CRYBA4: variants seen among roughly 807,000 people sequenced by gnomAD.
CRYBA4 encodes the protein crystallin beta A4, also known as beta-crystallin A4.
In CRYBA4, 30 loss-of-function variants were observed where a neutral mutation model predicts 31.7. That is an observed-to-expected ratio of 0.95 (90% CI 0.71 to 1.28). CRYBA4 has a LOEUF of 1.28. Ranked by LOEUF, CRYBA4 falls within the 50% of genes most tolerant of loss-of-function variation. The pLI, the probability that CRYBA4 is intolerant of heterozygous loss-of-function variation, is 0.00. For missense variants in CRYBA4, 225 were observed against 260.7 expected (o/e 0.86, Z 0.94); for synonymous variants, 102 against 102.3 (o/e 1.00, Z 0.02).
chr22:26,590,292 G>T, the CRYBA4 span: 1 of 140,548 alleles, frequency 7.1e-6, no homozygotes, highest in Non-Finnish European at 1.5e-5. Context: ...CGGGAACCCC[G>T]CCCCGCCGCC....
the CRYBA4 span, among the ~76,000 whole-genome samples, chr22:26,606,084 A>G: frequency 6.6e-6 from 1 of 152,284 alleles, no homozygotes; most frequent in East Asian, 1.9e-4. Context: ...GCCCAAGACA[A>G]TTCTTCCAGC....
Position 26,625,515 on chromosome 22 carries a change from C to T in CRYBA4, c.193C>T (p.Gln65Ter). 1 of 1,614,072 alleles carries T rather than the reference C, an allele frequency of 6.2e-7. No homozygotes were observed. The highest frequency in any genetic ancestry group is 8.5e-7 in the Non-Finnish European group (1 of 1,180,034). Residue 65 changes from glutamine to a stop codon, truncating the protein, a stop_gained, in exon 4 of 6, where the codon CAG becomes TAG. Transcript: ENST00000354760. LOFTEE classifies it high-confidence loss of function. ...CTTTGAGCATGCTGGCTTCCAAGGGCAGCAGTACATTCTGGAACGAGGCGA... is the reference window on the plus strand; with the variant it reads ...CTTTGAGCATGCTGGCTTCCAAGGGTAGCAGTACATTCTGGAACGAGGCGA... The part of the protein sequence containing the change: ...VGFEHAGFQG[Q>*]QYILERGEYP...
chr22:26,607,229 A>G, the CRYBA4 span, among the ~76,000 whole-genome samples: 4 of 151,388 alleles, frequency 2.6e-5, no homozygotes, highest in Admixed American at 1.3e-4. Context: ...CGTCATGTTG[A>G]TCAGGCTGGT....
At chr22:26,626,638 T>TA (rs1302738979) in intron 4 of CRYBA4, among the ~76,000 whole-genome samples, 2 of 152,208 alleles carry the variant, frequency 1.3e-5, no homozygotes, top group African/African-American at 4.8e-5. Context: ...ATATTTGTAA[T>TA]ACTTACAGTT....
At chr22:26,605,677 A>AAAAAAT in the CRYBA4 span, among the ~76,000 whole-genome samples, 1 of 150,846 alleles carries the variant, frequency 6.6e-6, no homozygotes. Flanking sequence ...GTCTCAAAAA[A>AAAAAAT]AAAAAAAAAA....
the CRYBA4 span, among the ~76,000 whole-genome samples, chr22:26,598,043 C>T: frequency 0.2 from 30,322 of 151,946 alleles, 3,252 homozygotes; most frequent in East Asian, 0.39. Flanking sequence ...CCACCACAGC[C>T]GGCTAATTTT....
chr22:26,622,620 A>G lies in CRYBA4; in HGVS notation c.24A>G (p.Ser8=). 1 of 1,592,662 alleles carries G rather than the reference A, an allele frequency of 6.3e-7. No individual in the cohort carries two copies. Among genetic ancestry groups the G allele is most frequent in the South Asian group, 1.1e-5 (1 of 90,724 alleles). The change falls in exon 2 of 6, where the codon TCA becomes TCG. Residue 8 remains serine, a synonymous_variant. Coordinates refer to ENST00000354760, the MANE Select transcript of CRYBA4 (RefSeq NM_001886.3). MTLQCTK[S]AGPWKMVVWD... Reference sequence around the variant, plus strand: ...CAATGACCCTGCAATGCACAAAGTCAGCGGGACCCTGGAAGGTAGGAAGAG... The same window carrying G: ...CAATGACCCTGCAATGCACAAAGTCGGCGGGACCCTGGAAGGTAGGAAGAG...
Position 26,629,111 on chromosome 22 carries a change from A to C in CRYBA4, c.443+681A>C, listed in dbSNP as rs144017236. On this transcript the variant is annotated intron_variant, in intron 5 of 5. Transcript: ENST00000354760. ...TCCATCAGCAGGTAGGTAACAATCCAGCTTCAAACTCAGCACTGACTGGCC... is the reference window on the plus strand; with the variant it reads ...TCCATCAGCAGGTAGGTAACAATCCCGCTTCAAACTCAGCACTGACTGGCC... 1.1e-3 allele frequency among the ~76,000 whole-genome samples: 169 copies of C among 152,316 alleles called. 2 individuals are homozygous for C. The East Asian group carries it at 0.029, about 26-fold the overall frequency.
intron 4 of CRYBA4, among the ~76,000 whole-genome samples, chr22:26,627,971 A>G (rs967024598): frequency 2.6e-5 from 4 of 152,124 alleles, no homozygotes; most frequent in Non-Finnish European, 5.9e-5. Context: ...TCTTAACCAC[A>G]GTGTAATGCC....
chr22:26,611,768 C>A, the CRYBA4 span, among the ~76,000 whole-genome samples: 1 of 152,130 alleles, frequency 6.6e-6, no homozygotes, highest in African/African-American at 2.4e-5. Context: ...GCCACCGCGC[C>A]CGGCCGGGCT....
chr22:26,607,537 A>G, the CRYBA4 span, among the ~76,000 whole-genome samples: 1 of 145,594 alleles, frequency 6.9e-6, no homozygotes. Flanking sequence ...AGGCTGGGGG[A>G]CACAGCAAAA....
chr22:26,616,277 C>A, the CRYBA4 span: 2 of 1,614,070 alleles, frequency 1.2e-6, no homozygotes, highest in Non-Finnish European at 1.7e-6. Context: ...CCTGGGTTCA[C>A]CGCCACTGTG....
At chr22:26,614,746 C>T in the CRYBA4 span, among the ~76,000 whole-genome samples, 1 of 152,088 alleles carries the variant, frequency 6.6e-6, no homozygotes, top group African/African-American at 2.4e-5. Context: ...AATTCCAGCA[C>T]TTGGGGAGGC....
chr22:26,616,019 GA>G, the CRYBA4 span: 1 of 802,010 alleles, frequency 1.2e-6, no homozygotes, highest in African/African-American at 1.7e-5. Context: ...CAAGAAAAAG[GA>G]GGAGAAAGAG....
chr22:26,627,357 C>CTCCCTCCT (rs1569211550), intron 4 of CRYBA4, among the ~76,000 whole-genome samples: 2 of 32,810 alleles, frequency 6.1e-5, no homozygotes, highest in Non-Finnish European at 1.0e-4. Context: ...CCCTCCCTCC[C>CTCCCTCCT]TCCTTTCTTT....
the CRYBA4 span, among the ~76,000 whole-genome samples, chr22:26,608,668 AG>A: frequency 6.6e-6 from 1 of 152,204 alleles, no homozygotes; most frequent in Non-Finnish European, 1.5e-5. Flanking sequence ...TGTGGTTAGC[AG>A]GATCATTTTA....
At chr22:26,626,206 A>T (rs1929700317) in intron 4 of CRYBA4, among the ~76,000 whole-genome samples, 1 of 152,204 alleles carries the variant, frequency 6.6e-6, no homozygotes, top group African/African-American at 2.4e-5. Flanking sequence ...GTTCAAGATC[A>T]GCTTGGCCAA....
chr22:26,597,773 T>G, the CRYBA4 span, among the ~76,000 whole-genome samples: 8 of 152,168 alleles, frequency 5.3e-5, no homozygotes, highest in Non-Finnish European at 1.0e-4. Context: ...TAACACTGAA[T>G]CAGATACAAG....
At chr22:26,622,055 C>A in intron 1 of CRYBA4, 69 bp downstream of exon 1, 1 of 835,602 alleles carries the variant, frequency 1.2e-6, no homozygotes, top group Non-Finnish European at 1.4e-6. Flanking sequence ...GCGAGGAACC[C>A]AGGTCCCCAG....
Sources: allele counts gnomAD v4.1 joint callset (sites outside exome capture counted in the v4.1 genomes callset), GRCh38; gene constraint gnomAD v4.1.1; transcripts MANE v1.5; gene names NCBI Gene and HGNC (gene_info 2026-07-23, HGNC 2026-07-21).